The following SGCZ variants were observed in gnomAD, a reference collection of about 807,000 sequenced individuals.
The protein encoded by SGCZ is sarcoglycan zeta.
Under a neutral mutation model 41.3 loss-of-function variants are expected in SGCZ, and 40 were observed. The observed-to-expected ratio is 0.97, with a 90% CI of 0.75 to 1.26. SGCZ has a LOEUF of 1.26. Among genes scored for constraint, SGCZ ranks in the 50% most tolerant of loss-of-function variants. SGCZ has a pLI of 0.00. For missense variants in SGCZ, 552 were observed against 369.8 expected (o/e 1.49, Z -4.04); for synonymous variants, 206 against 137.5 (o/e 1.50, Z -3.49).
At chr8:14,735,823 G>C (rs1799011767) in intron 1 of SGCZ, among the ~76,000 whole-genome samples, 1 of 152,024 alleles carries the variant, frequency 6.6e-6, no homozygotes, top group African/African-American at 2.4e-5. Flanking sequence ...GAAAATTGTA[G>C]CTTGTGCTAT....
chr8:14,314,098 G>T (rs1228327118), intron 3 of SGCZ, among the ~76,000 whole-genome samples: 1 of 152,050 alleles, frequency 6.6e-6, no homozygotes, highest in Non-Finnish European at 1.5e-5. Context: ...GACATACAAT[G>T]GTGTAATCTG....
At position 15,051,863 on chromosome 8, in the gene SGCZ, G is replaced by C. The variant is rs367727173; in HGVS notation, c.39+185722C>G. Among the ~76,000 whole-genome samples the C allele has an allele frequency of 3.3e-5, 5 of 152,284 alleles. No homozygotes were observed. In the South Asian group the frequency reaches 1.0e-3, roughly 32 times the overall value. On this transcript the variant is annotated intron_variant, in intron 1 of 7. Transcript: ENST00000382080. ...CACTTAGAGGTGTGTTTAAGCATTT[G>C]AGCTGGAAGGATAGGAAGTGTAAGA...
intron 1 of SGCZ, among the ~76,000 whole-genome samples, chr8:14,905,114 A>T (rs1285210857): frequency 1.3e-5 from 2 of 152,070 alleles, no homozygotes; most frequent in Admixed American, 1.3e-4. Flanking sequence ...AGAAAAATTG[A>T]TGAATTATAT....
chr8:14,100,586 TATA>T (rs1255918777), intron 7 of SGCZ, among the ~76,000 whole-genome samples: 1 of 137,414 alleles, frequency 7.3e-6, no homozygotes, highest in African/African-American at 2.8e-5. Flanking sequence ...TTTCAAATAA[TATA>T]TTATATTTTA....
intron 1 of SGCZ, among the ~76,000 whole-genome samples, chr8:14,770,908 C>T (rs1800214397): frequency 6.6e-6 from 1 of 152,074 alleles, no homozygotes. Context: ...AATATGCTGT[C>T]AATTGAATGA....
intron 1 of SGCZ, among the ~76,000 whole-genome samples, chr8:14,569,133 G>A (rs1431812053): frequency 6.6e-6 from 1 of 152,086 alleles, no homozygotes; most frequent in Non-Finnish European, 1.5e-5. Flanking sequence ...CAATACTACT[G>A]TAAATTAGGA....
chr8:15,210,528 G>A (rs1226045671), intron 1 of SGCZ, among the ~76,000 whole-genome samples: 1 of 152,050 alleles, frequency 6.6e-6, no homozygotes, highest in Non-Finnish European at 1.5e-5. Flanking sequence ...CTTGCAACCT[G>A]GCTCTTGGCT....
At chr8:15,196,749 A>G (rs774653184) in intron 1 of SGCZ, among the ~76,000 whole-genome samples, 4 of 152,196 alleles carry the variant, frequency 2.6e-5, no homozygotes, top group Non-Finnish European at 4.4e-5. Context: ...CTCGTTATCT[A>G]GCATTAGGTA....
rs111642378 is a variant in SGCZ at position 14,528,834 on chromosome 8, A to C, written c.234+25898T>G. On this transcript the variant is annotated intron_variant, in intron 2 of 7. Coordinates refer to ENST00000382080, the MANE Select transcript of SGCZ (RefSeq NM_139167.4). ...ACAACATCACGGACCAGCCAAAAAAAAAACAAAACAAAAACAAAAAAAGAG... is the reference window on the plus strand; with the variant it reads ...ACAACATCACGGACCAGCCAAAAAACAAACAAAACAAAAACAAAAAAAGAG... Among the ~76,000 whole-genome samples, 30 of 106,362 alleles carry C rather than the reference A, an allele frequency of 2.8e-4. 1 individual carries two copies. The highest frequency in any genetic ancestry group is 8.7e-4 in the African/African-American group (20 of 22,976). 69.8% of individuals were successfully genotyped at this position (106,362 alleles called of 152,430 possible).
intron 2 of SGCZ, among the ~76,000 whole-genome samples, chr8:14,492,667 G>C (rs1481183692): frequency 6.6e-6 from 1 of 152,092 alleles, no homozygotes; most frequent in Non-Finnish European, 1.5e-5. Flanking sequence ...CAAGGCCACT[G>C]CTACCACTTT....
intron 1 of SGCZ, among the ~76,000 whole-genome samples, chr8:15,097,846 ATATATATATACGTGTGTGTG>A (rs781110908): frequency 0.61 from 55,963 of 91,368 alleles, 14,686 homozygotes; most frequent in Admixed American, 0.7. Context: ...GTGTGTGTAT[ATATATATATACGTGTGTGTG>A]TATATATATA....
At chr8:15,146,597 T>G (rs1799043297) in intron 1 of SGCZ, among the ~76,000 whole-genome samples, 1 of 152,222 alleles carries the variant, frequency 6.6e-6, no homozygotes, top group Admixed American at 6.5e-5. Context: ...TGTTTGTAGC[T>G]TTAGTGTTAT....
intron 2 of SGCZ, among the ~76,000 whole-genome samples, chr8:14,459,606 T>C (rs1800844872): frequency 6.6e-6 from 1 of 152,062 alleles, no homozygotes; most frequent in South Asian, 2.1e-4. Context: ...CTCAAGACAT[T>C]TATTAATTAT....
intron 1 of SGCZ, among the ~76,000 whole-genome samples, chr8:14,744,074 T>A (rs1016419410): frequency 6.6e-6 from 1 of 152,110 alleles, no homozygotes; most frequent in African/African-American, 2.4e-5. Flanking sequence ...CAGGGTTAGA[T>A]GTTGGCAAGG....
At chr8:15,039,907 C>T (rs930258623) in intron 1 of SGCZ, among the ~76,000 whole-genome samples, 1 of 152,100 alleles carries the variant, frequency 6.6e-6, no homozygotes, top group Non-Finnish European at 1.5e-5. Flanking sequence ...AGTTCCAATA[C>T]CATTTTATTC....
intron 1 of SGCZ, among the ~76,000 whole-genome samples, chr8:15,003,296 G>C (rs1454640264): frequency 6.6e-6 from 1 of 152,052 alleles, no homozygotes; most frequent in African/African-American, 2.4e-5. Context: ...AATGAGAACT[G>C]AGTGGAACTG....
chr8:14,542,900 T>A (rs909267161), intron 2 of SGCZ, among the ~76,000 whole-genome samples: 1 of 151,654 alleles, frequency 6.6e-6, no homozygotes, highest in Non-Finnish European at 1.5e-5. Context: ...TACTATTACC[T>A]TTTTTTTAAC....
At chr8:14,093,740 A>T (rs1585126883) in intron 7 of SGCZ, among the ~76,000 whole-genome samples, 1 of 152,102 alleles carries the variant, frequency 6.6e-6, no homozygotes, top group Admixed American at 6.6e-5. Flanking sequence ...TTTTAGGTCA[A>T]TTTGGATGCA....
chr8:14,238,142 C>T (rs1414781060), intron 3 of SGCZ, among the ~76,000 whole-genome samples: 1 of 152,162 alleles, frequency 6.6e-6, no homozygotes, highest in Non-Finnish European at 1.5e-5. Context: ...CCTCAAACTC[C>T]CAATGTCCAT....
Sources: allele counts gnomAD v4.1 joint callset (sites outside exome capture counted in the v4.1 genomes callset), GRCh38; gene constraint gnomAD v4.1.1; transcripts MANE v1.5; gene names NCBI Gene and HGNC (gene_info 2026-07-23, HGNC 2026-07-21).